The following WWOX variants were observed in gnomAD, a reference collection of about 807,000 sequenced individuals.
WWOX encodes WW domain-containing oxidoreductase.
Under a neutral mutation model 46.2 loss-of-function variants are expected in WWOX, and 69 were observed. The ratio of observed to expected loss-of-function variants is 1.49; its 90% CI spans 1.23 to 1.82. The LOEUF (loss-of-function observed/expected upper bound fraction) is 1.82, where lower values mean the gene tolerates loss of function less well. WWOX is among the 40% of genes most tolerant of loss of function. The probability of loss-of-function intolerance (pLI) is 0.00; values close to 1 mark genes in which losing one functional copy is unlikely to be tolerated. For synonymous variants in WWOX, 359 were observed against 202.6 expected (o/e 1.77, Z -6.56); for missense variants, 919 against 542.6 (o/e 1.69, Z -6.89).
chr16:79,206,413 C>G (rs752725282), intron 8 of WWOX: 1 of 152,168 alleles, frequency 6.6e-6, no homozygotes, highest in African/African-American at 2.4e-5. Flanking sequence ...TGGCTTTGGA[C>G]GAGTTGCTTT....
intron 8 of WWOX, among the ~76,000 whole-genome samples, chr16:78,967,488 G>C (rs561865363): frequency 8.0e-6 from 1 of 125,676 alleles, no homozygotes; most frequent in Non-Finnish European, 1.6e-5. Context: ...TTTTCCTGCT[G>C]AGATGGGGAT....
At chr16:78,804,210 C>T (rs1189234992) in intron 8 of WWOX, among the ~76,000 whole-genome samples, 1 of 152,102 alleles carries the variant, frequency 6.6e-6, no homozygotes, top group African/African-American at 2.4e-5. Context: ...AGTCCCTCCT[C>T]TATGCCTTCC....
At chr16:78,785,199 C>G (rs900817996) in intron 8 of WWOX, among the ~76,000 whole-genome samples, 2 of 152,218 alleles carry the variant, frequency 1.3e-5, no homozygotes, top group East Asian at 1.9e-4. Flanking sequence ...GATGAAGTGT[C>G]TTTTGCTAGC....
At chr16:78,454,756 C>G (rs1029029383) in intron 8 of WWOX, among the ~76,000 whole-genome samples, 3 of 152,194 alleles carry the variant, frequency 2.0e-5, no homozygotes, top group Admixed American at 2.0e-4. Context: ...CTCAGCCTCC[C>G]AAAGTGCTGG....
At chr16:78,800,807 C>T (rs776842187) in intron 8 of WWOX, among the ~76,000 whole-genome samples, 6 of 152,134 alleles carry the variant, frequency 3.9e-5, no homozygotes, top group African/African-American at 1.2e-4. Flanking sequence ...CAGCAAACTT[C>T]TCTTGAGATA....
chr16:78,654,850 C>T (rs770857140), intron 8 of WWOX, among the ~76,000 whole-genome samples: 5 of 151,560 alleles, frequency 3.3e-5, no homozygotes, highest in Non-Finnish European at 4.4e-5. Flanking sequence ...TCGTAAGGTC[C>T]CGTCAATGCA....
chr16:78,552,683 C>A (rs1257489775), intron 8 of WWOX: 1 of 152,238 alleles, frequency 6.6e-6, no homozygotes, highest in East Asian at 1.9e-4. Flanking sequence ...TCTGTTAGTT[C>A]TTTCTCCTCC....
intron 5 of WWOX, among the ~76,000 whole-genome samples, chr16:78,325,001 C>A (rs1597484888): frequency 6.6e-6 from 1 of 152,146 alleles, no homozygotes; most frequent in Non-Finnish European, 1.5e-5. Flanking sequence ...CCACTCAGGG[C>A]CCGAGCTGCT....
intron 8 of WWOX, among the ~76,000 whole-genome samples, chr16:79,178,632 A>G (rs1349072969): frequency 2.6e-5 from 4 of 152,162 alleles, no homozygotes; most frequent in African/African-American, 7.2e-5. Context: ...CCTGTTTTAC[A>G]TATTAAAAAT....
chr16:78,788,088 A>G (rs559605995), intron 8 of WWOX, among the ~76,000 whole-genome samples: 18 of 152,120 alleles, frequency 1.2e-4, no homozygotes, highest in Non-Finnish European at 1.8e-4. Flanking sequence ...CTCTCAATCT[A>G]TGGGTAGGCT....
intron 5 of WWOX, among the ~76,000 whole-genome samples, chr16:78,225,570 G>A (rs1214013807): frequency 1.3e-5 from 2 of 152,024 alleles, no homozygotes; most frequent in Non-Finnish European, 2.9e-5. Context: ...CTGGTTGAAC[G>A]TGCCTATGTT....
chr16:78,249,933 T>C (rs2037936454), intron 5 of WWOX, among the ~76,000 whole-genome samples: 1 of 151,876 alleles, frequency 6.6e-6, no homozygotes, highest in Admixed American at 6.6e-5. Context: ...ACTCAGAAAG[T>C]AATAAAGCCC....
chr16:78,857,333 G>A (rs187641526), intron 8 of WWOX, among the ~76,000 whole-genome samples: 1 of 152,254 alleles, frequency 6.6e-6, no homozygotes, highest in African/African-American at 2.4e-5. Flanking sequence ...CCATGACATT[G>A]GCAAAAGTTA....
At chr16:78,479,061 A>T (rs886487123) in intron 8 of WWOX, among the ~76,000 whole-genome samples, 1 of 152,218 alleles carries the variant, frequency 6.6e-6, no homozygotes, top group Non-Finnish European at 1.5e-5. Flanking sequence ...CCTAAAATAT[A>T]AGTAAGTCAG....
intron 5 of WWOX, chr16:78,167,592 C>G (rs1803476378): frequency 1.3e-5 from 2 of 152,174 alleles, no homozygotes. Flanking sequence ...GCTGAAGAAA[C>G]TCAACCTGTT....
chr16:79,112,029 C>A (rs1211843872), intron 8 of WWOX, among the ~76,000 whole-genome samples: 2 of 152,098 alleles, frequency 1.3e-5, no homozygotes, highest in African/African-American at 4.8e-5. Context: ...CAACAAACTC[C>A]CCAGCCATAC....
chr16:78,309,508 G>A (rs1208534560), intron 5 of WWOX, among the ~76,000 whole-genome samples: 1 of 152,072 alleles, frequency 6.6e-6, no homozygotes, highest in Non-Finnish European at 1.5e-5. Context: ...CTTCCTTTAT[G>A]GACCAAACCA....
intron 5 of WWOX, among the ~76,000 whole-genome samples, chr16:78,300,185 G>A (rs140180417): frequency 5.8e-4 from 88 of 152,158 alleles, no homozygotes; most frequent in African/African-American, 1.6e-3. Context: ...AGATATCTAC[G>A]TTTATTCAAT....
chr16:78,278,554 G>A, intron 5 of WWOX: 2 of 1,555,616 alleles, frequency 1.3e-6, no homozygotes, highest in Non-Finnish European at 1.8e-6. Flanking sequence ...GTTCTATGTT[G>A]TTCTCATAAC....
Sources: gnomAD v4.1 joint callset for allele counts (sites outside exome capture counted in the v4.1 genomes callset) on GRCh38, gnomAD v4.1.1 for gene constraint, MANE v1.5 for transcripts, NCBI Gene and HGNC (gene_info 2026-07-23, HGNC 2026-07-21) for gene names.